ADAM22: variants seen among roughly 807,000 people sequenced by gnomAD.
The protein encoded by ADAM22 is disintegrin and metalloproteinase domain-containing protein 22.
A neutral mutation model predicts 144.6 loss-of-function variants in ADAM22; 65 were observed. The ratio of observed to expected loss-of-function variants is 0.45; its 90% CI spans 0.37 to 0.55. ADAM22 has a LOEUF of 0.55. Ranked by LOEUF, ADAM22 falls within the 20% of genes least tolerant of loss-of-function variation. ADAM22 has a pLI of 0.00. For synonymous variants in ADAM22, 391 were observed against 412.6 expected (o/e 0.95, Z 0.63); for missense variants, 974 against 1,184.9 (o/e 0.82, Z 2.61).
At chr7:88,070,542 T>G (rs1812457564) in intron 3 of ADAM22, among the ~76,000 whole-genome samples, 1 of 152,222 alleles carries the variant, frequency 6.6e-6, no homozygotes, top group Admixed American at 6.5e-5. Context: ...TTCAAGTTGC[T>G]TTGTTCATTT....
At position 88,054,203 on chromosome 7, in the gene ADAM22, G is replaced by T. The variant is rs183635356; in HGVS notation, c.324-21423G>T. Among the ~76,000 whole-genome samples the T allele has an allele frequency of 2.7e-3, 411 of 152,254 alleles. 2 individuals carry two copies. The highest frequency in any genetic ancestry group is 3.5e-3 in the Non-Finnish European group (239 of 68,030). ...ATATGTGTATTATATTACACATATA[G>T]GATTATATCTATAGGATAAATTCCA... is the stretch of plus-strand genomic sequence containing the variant. On this transcript the variant is annotated intron_variant, in intron 3 of 31. Coordinates refer to ENST00000413139, the MANE Select transcript of ADAM22 (RefSeq NM_001324418.2).
intron 7 of ADAM22, among the ~76,000 whole-genome samples, chr7:88,122,862 C>G (rs149217225): frequency 9.2e-4 from 140 of 152,324 alleles, no homozygotes; most frequent in Non-Finnish European, 1.6e-3. Context: ...ACTCTTGGCT[C>G]TGTGTTCTCA....
At chr7:88,139,876 C>T (rs1278560731) in intron 14 of ADAM22, among the ~76,000 whole-genome samples, 1 of 152,040 alleles carries the variant, frequency 6.6e-6, no homozygotes, top group Non-Finnish European at 1.5e-5. Context: ...TCCTGTCATT[C>T]AGTGTATATT....
At chr7:87,939,030 GTTTTC>G (rs1841942879) in intron 2 of ADAM22, among the ~76,000 whole-genome samples, 1 of 152,196 alleles carries the variant, frequency 6.6e-6, no homozygotes, top group Non-Finnish European at 1.5e-5. Context: ...AAAAGACACA[GTTTTC>G]TTTTAAGGAA....
intron 4 of ADAM22, among the ~76,000 whole-genome samples, chr7:88,106,349 G>A (rs1355576415): frequency 6.6e-6 from 1 of 152,164 alleles, no homozygotes; most frequent in East Asian, 1.9e-4. Context: ...CCTCCCCAAA[G>A]CTGAGAGTTA....
chr7:87,948,918 T>A (rs1221540588), intron 2 of ADAM22, among the ~76,000 whole-genome samples: 1 of 152,334 alleles, frequency 6.6e-6, no homozygotes, highest in East Asian at 1.9e-4. Context: ...GCTCAGTAAA[T>A]ATTTATGGTC....
intron 2 of ADAM22, among the ~76,000 whole-genome samples, chr7:87,955,218 T>C (rs901960282): frequency 5.9e-5 from 9 of 152,228 alleles, no homozygotes; most frequent in African/African-American, 1.9e-4. Flanking sequence ...ACTCTGCTTT[T>C]TAGAGTTTCC....
At chr7:88,132,794 TAAA>T in intron 11 of ADAM22, 70 bp from the exon 12 acceptor site, 1 of 1,195,900 alleles carries the variant, frequency 8.4e-7, no homozygotes, top group South Asian at 1.3e-5. Flanking sequence ...ATAAATGTAG[TAAA>T]CTAATAATGA....
intron 6 of ADAM22, among the ~76,000 whole-genome samples, chr7:88,115,459 T>C (rs543813655): frequency 9.9e-5 from 15 of 152,266 alleles, no homozygotes; most frequent in African/African-American, 3.6e-4. Flanking sequence ...AGGGTTGACA[T>C]CTGGTGAGGG....
At chr7:87,947,345 G>A (rs1028768290) in intron 2 of ADAM22, among the ~76,000 whole-genome samples, 1 of 152,170 alleles carries the variant, frequency 6.6e-6, no homozygotes, top group South Asian at 2.1e-4. Flanking sequence ...CCTCGTGAAA[G>A]TACCTTCTAA....
intron 6 of ADAM22, among the ~76,000 whole-genome samples, chr7:88,116,378 C>T (rs368515600): frequency 3.3e-5 from 5 of 152,160 alleles, no homozygotes; most frequent in East Asian, 1.9e-4. Flanking sequence ...TGTAGTCTGC[C>T]TACCAAAGCT....
intron 2 of ADAM22, among the ~76,000 whole-genome samples, chr7:87,976,315 A>G (rs952457016): frequency 1.3e-5 from 2 of 152,208 alleles, no homozygotes; most frequent in Non-Finnish European, 2.9e-5. Context: ...TTAAGAGGTG[A>G]TTAAGATTAC....
At chr7:88,054,964 A>C (rs1411083982) in intron 3 of ADAM22, among the ~76,000 whole-genome samples, 1 of 152,170 alleles carries the variant, frequency 6.6e-6, no homozygotes, top group East Asian at 1.9e-4. Flanking sequence ...AAAAAAACAA[A>C]CTAATTAAAG....
At chr7:88,053,591 GGAAAGAAA>G (rs1214968746) in intron 3 of ADAM22, among the ~76,000 whole-genome samples, 10,588 of 112,764 alleles carry the variant, frequency 0.094, 514 homozygotes, top group African/African-American at 0.13. Flanking sequence ...AAGGAAGGAA[GGAAAGAAA>G]GAAAGAAAGA....
At chr7:88,181,628 T>C in intron 28 of ADAM22, 23 bp downstream of exon 28, 1 of 1,592,382 alleles carries the variant, frequency 6.3e-7, no homozygotes, top group East Asian at 2.2e-5. Flanking sequence ...ATTCTGAATC[T>C]GTCTGTCCAC....
chr7:87,938,106 C>A (rs1360303757), intron 2 of ADAM22, among the ~76,000 whole-genome samples: 1 of 150,950 alleles, frequency 6.6e-6, no homozygotes, highest in East Asian at 1.9e-4. Flanking sequence ...TAAGAGCAAT[C>A]ATTGGATTGA....
chr7:88,087,481 G>A (rs959275616), intron 4 of ADAM22, among the ~76,000 whole-genome samples: 1 of 152,188 alleles, frequency 6.6e-6, no homozygotes, highest in African/African-American at 2.4e-5. Flanking sequence ...AATAACCATA[G>A]TATGAATTTT....
At chr7:88,106,298 T>C (rs1585766727) in intron 4 of ADAM22, among the ~76,000 whole-genome samples, 1 of 152,146 alleles carries the variant, frequency 6.6e-6, no homozygotes, top group African/African-American at 2.4e-5. Flanking sequence ...TGGTTTAAGG[T>C]CCAGGATTGC....
rs367874232 is a variant in ADAM22, at chr7:87,960,501, T to G, written c.247-17835T>G. On this transcript the variant is annotated intron_variant, in intron 2 of 31. Transcript: ENST00000413139. ...TGACAAGAAGAGAAACAGTTATACT[T>G]TTCTCTGAACCTTCTGGCCCTTGTG... 6.6e-5 allele frequency among the ~76,000 whole-genome samples: 10 copies of G among 152,252 alleles called. No individual in the cohort carries two copies. The South Asian group carries it at 8.3e-4, about 13-fold the overall frequency.
Sources: gnomAD v4.1 joint callset for allele counts (sites outside exome capture counted in the v4.1 genomes callset) on GRCh38, gnomAD v4.1.1 for gene constraint, MANE v1.5 for transcripts, NCBI Gene and HGNC (gene_info 2026-07-23, HGNC 2026-07-21) for gene names.